The following WWOX variants were observed in gnomAD, a reference collection of about 807,000 sequenced individuals.
WWOX encodes WW domain containing oxidoreductase, also known as WW domain-containing oxidoreductase.
A neutral mutation model predicts 46.2 loss-of-function variants in WWOX; 69 were observed. The observed-to-expected ratio is 1.49, with a 90% CI of 1.23 to 1.82. WWOX has a LOEUF of 1.82. Ranked by LOEUF, WWOX falls within the 40% of genes most tolerant of loss-of-function variation. The pLI, the probability that WWOX is intolerant of heterozygous loss-of-function variation, is 0.00. For synonymous variants in WWOX, 359 were observed against 202.6 expected (o/e 1.77, Z -6.56); for missense variants, 919 against 542.6 (o/e 1.69, Z -6.89).
At chr16:78,571,260 C>G (rs1260670006) in intron 8 of WWOX, among the ~76,000 whole-genome samples, 2 of 151,896 alleles carry the variant, frequency 1.3e-5, no homozygotes, top group South Asian at 4.2e-4. Context: ...TTTTTATGAG[C>G]CAGTAATGGT....
At chr16:78,531,119 G>C (rs1242837188) in intron 8 of WWOX, among the ~76,000 whole-genome samples, 1 of 152,102 alleles carries the variant, frequency 6.6e-6, no homozygotes, top group Non-Finnish European at 1.5e-5. Context: ...ATGAGTCTTG[G>C]CATCTTTTTG....
At chr16:79,146,234 C>G (rs1178323008) in intron 8 of WWOX, among the ~76,000 whole-genome samples, 1 of 152,112 alleles carries the variant, frequency 6.6e-6, no homozygotes, top group South Asian at 2.1e-4. Context: ...CAAAAAGAGT[C>G]TTTTGCATTT....
intron 5 of WWOX, among the ~76,000 whole-genome samples, chr16:78,272,649 T>C (rs879457137): frequency 1.3e-5 from 2 of 152,190 alleles, no homozygotes; most frequent in Non-Finnish European, 2.9e-5. Context: ...TTCTGATGAT[T>C]AAGTGAGATA....
chr16:79,137,459 G>A (rs1255363328), intron 8 of WWOX, among the ~76,000 whole-genome samples: 1 of 152,160 alleles, frequency 6.6e-6, no homozygotes, highest in Non-Finnish European at 1.5e-5. Context: ...GTTCTAAAAT[G>A]TCAGAAAGTT....
At chr16:78,358,983 A>C (rs1272288111) in intron 5 of WWOX, among the ~76,000 whole-genome samples, 1 of 151,464 alleles carries the variant, frequency 6.6e-6, no homozygotes, top group Non-Finnish European at 1.5e-5. Context: ...TAGTAAATTA[A>C]TCCCTTATTG....
intron 8 of WWOX, among the ~76,000 whole-genome samples, chr16:78,451,738 G>C (rs11860831): frequency 1.3e-5 from 2 of 152,140 alleles, no homozygotes; most frequent in Admixed American, 1.3e-4. Flanking sequence ...AATGAATTTT[G>C]CTGACATCTT....
At chr16:79,002,148 T>C (rs1006913663) in intron 8 of WWOX, among the ~76,000 whole-genome samples, 1 of 151,550 alleles carries the variant, frequency 6.6e-6, no homozygotes, top group Non-Finnish European at 1.5e-5. Flanking sequence ...TGCAAGTGTA[T>C]CGACGTGCTG....
intron 8 of WWOX, among the ~76,000 whole-genome samples, chr16:79,172,037 C>T (rs1337001783): frequency 6.6e-6 from 1 of 152,168 alleles, no homozygotes; most frequent in Non-Finnish European, 1.5e-5. Flanking sequence ...CCTGCAGAAG[C>T]CTGTGGAGCG....
intron 8 of WWOX, chr16:79,017,289 G>T (rs1025912338): frequency 6.6e-6 from 1 of 151,778 alleles, no homozygotes; most frequent in South Asian, 2.1e-4. Context: ...AATTAGCCAG[G>T]CATGGTGGTG....
In WWOX at chr16:78,937,696, C is replaced by A. The variant is rs572534178; in HGVS notation, c.1057-273912C>A. ...CTGGAGTGTAGTGGCATGACCTCGG[C>A]TTACTGCAACCTCCGCCTCCTGGGT... is the stretch of plus-strand genomic sequence containing the variant. On this transcript the variant is annotated intron_variant, in intron 8 of 8. Coordinates refer to ENST00000566780, the MANE Select transcript of WWOX (RefSeq NM_016373.4). Among the ~76,000 whole-genome samples, 41 of 151,980 alleles carry A rather than the reference C, an allele frequency of 2.7e-4. 1 individual carries two copies. The highest frequency in any genetic ancestry group is 9.4e-4 in the African/African-American group (39 of 41,440).
At chr16:79,189,537 G>A (rs2051089314) in intron 8 of WWOX, among the ~76,000 whole-genome samples, 1 of 151,650 alleles carries the variant, frequency 6.6e-6, no homozygotes, top group African/African-American at 2.4e-5. Flanking sequence ...CTAGCTTCAA[G>A]CGATCCTCCT....
At chr16:78,245,669 A>G (rs570895649) in intron 5 of WWOX, among the ~76,000 whole-genome samples, 1 of 152,236 alleles carries the variant, frequency 6.6e-6, no homozygotes, top group African/African-American at 2.4e-5. Context: ...AGTAGTGGGA[A>G]CGGAGTGGGG....
At chr16:78,155,041 G>A (rs78827796) in intron 4 of WWOX, among the ~76,000 whole-genome samples, 1 of 152,180 alleles carries the variant, frequency 6.6e-6, no homozygotes, top group African/African-American at 2.4e-5. Context: ...CAGCTAACCT[G>A]TCACCACGTG....
chr16:78,212,422 G>A (rs982559692), intron 5 of WWOX, among the ~76,000 whole-genome samples: 10 of 152,206 alleles, frequency 6.6e-5, no homozygotes, highest in Admixed American at 2.0e-4. Context: ...CCCAGGAATG[G>A]TGGTGATTTG....
chr16:78,965,647 T>A (rs530201672), intron 8 of WWOX, among the ~76,000 whole-genome samples: 9 of 152,216 alleles, frequency 5.9e-5, no homozygotes, highest in Non-Finnish European at 1.2e-4. Context: ...ACTGTTAGCA[T>A]CTCTGGCATA....
intron 5 of WWOX, among the ~76,000 whole-genome samples, chr16:78,212,327 AT>A (rs1472400179): frequency 6.6e-6 from 1 of 152,238 alleles, no homozygotes; most frequent in African/African-American, 2.4e-5. Flanking sequence ...AACAATTTGC[AT>A]TGGCGAAAGC....
chr16:78,802,849 C>G (rs7404901), intron 8 of WWOX, among the ~76,000 whole-genome samples: 91,232 of 143,448 alleles, frequency 0.64, 28,765 homozygotes, highest in Middle Eastern at 0.78. Flanking sequence ...CCAGGAGGGA[C>G]AGGTTGCAGT....
chr16:79,211,773 C>G lies in WWOX; in HGVS notation c.1222C>G (p.Arg408Gly), dbSNP rs144234059. The change falls in exon 9 of 9, where the codon CGG becomes GGG. Residue 408 changes from arginine (R) to glycine (G), a missense_variant. Physicochemically the swap from Arg to Gly is moderately radical, Grantham distance 125. Transcript: ENST00000566780. ...GCTCAGCGAGAGGCTGATCCAAGAA[C>G]GGCTTGGCAGCCAGTCCGGCTAAGT... is the stretch of plus-strand genomic sequence containing the variant. The part of the protein sequence containing the change: ...WALSERLIQE[R>G]LGSQSG 3 of 1,614,006 alleles carry G rather than the reference C, an allele frequency of 1.9e-6. No homozygotes were observed. Among genetic ancestry groups the G allele is most frequent in the Non-Finnish European group, 2.5e-6 (3 of 1,179,994 alleles).
At chr16:78,955,214 C>T (rs2046140821) in intron 8 of WWOX, among the ~76,000 whole-genome samples, 1 of 152,190 alleles carries the variant, frequency 6.6e-6, no homozygotes, top group Non-Finnish European at 1.5e-5. Context: ...TATGCTAGAG[C>T]TGCAATGTGG....
Sources: gnomAD v4.1 joint callset for allele counts (sites outside exome capture counted in the v4.1 genomes callset) on GRCh38, gnomAD v4.1.1 for gene constraint, MANE v1.5 for transcripts, NCBI Gene and HGNC (gene_info 2026-07-23, HGNC 2026-07-21) for gene names.